OXR1: variants seen among roughly 807,000 people sequenced by gnomAD.
OXR1 encodes oxidation resistance protein 1.
A neutral mutation model predicts 104.6 loss-of-function variants in OXR1; 41 were observed. That is an observed-to-expected ratio of 0.39 (90% CI 0.31 to 0.51). OXR1 has a LOEUF of 0.51. Ranked by LOEUF, OXR1 falls within the 20% of genes least tolerant of loss-of-function variation. The pLI, the probability that OXR1 is intolerant of heterozygous loss-of-function variation, is 0.77. For missense variants in OXR1, 955 were observed against 1,031.9 expected, an observed-to-expected ratio of 0.93 and a Z score of 1.02; for synonymous variants, 348 against 348.4, an observed-to-expected ratio of 1.00 and a Z score of 0.01.
chr8:106,493,254 G>C (rs937584808), intron 2 of OXR1, among the ~76,000 whole-genome samples: 9 of 152,136 alleles, frequency 5.9e-5, no homozygotes, highest in Non-Finnish European at 1.3e-4. Flanking sequence ...GCAGATGTTA[G>C]CATGCTGCCT....
intron 2 of OXR1, among the ~76,000 whole-genome samples, chr8:106,478,379 G>T (rs1042889639): frequency 6.6e-6 from 1 of 151,694 alleles, no homozygotes; most frequent in Non-Finnish European, 1.5e-5. Context: ...ACTTTTTATT[G>T]TATTATATAT....
chr8:106,391,162 T>C (rs1221932534), intron 2 of OXR1, among the ~76,000 whole-genome samples: 1 of 152,182 alleles, frequency 6.6e-6, no homozygotes, highest in Non-Finnish European at 1.5e-5. Flanking sequence ...TTATTAAAGA[T>C]GTGTGATGAC....
At chr8:106,429,944 G>A (rs1819292010) in intron 2 of OXR1, among the ~76,000 whole-genome samples, 1 of 151,978 alleles carries the variant, frequency 6.6e-6, no homozygotes, top group Non-Finnish European at 1.5e-5. Context: ...AGTAATCTCT[G>A]TAATAATTTC....
At chr8:106,679,131 A>C in intron 3 of OXR1, 79 bp from the exon 4 acceptor site, 1 of 778,042 alleles carries the variant, frequency 1.3e-6, no homozygotes, top group Non-Finnish European at 2.2e-6. Context: ...ACATCTGCCC[A>C]AAGAGCTCTA....
intron 3 of OXR1, among the ~76,000 whole-genome samples, chr8:106,567,328 A>G (rs1817155117): frequency 6.6e-6 from 1 of 152,162 alleles, no homozygotes; most frequent in Non-Finnish European, 1.5e-5. Context: ...CAGGTTTTAA[A>G]ATGATTACTC....
chr8:106,735,444 A>G (rs1280549823), intron 11 of OXR1, among the ~76,000 whole-genome samples: 1 of 152,170 alleles, frequency 6.6e-6, no homozygotes, highest in East Asian at 1.9e-4. Context: ...TCCTACTCTC[A>G]GCAATGCTGA....
intron 11 of OXR1, among the ~76,000 whole-genome samples, chr8:106,718,061 TAAC>T (rs1832439061): frequency 6.6e-6 from 1 of 152,214 alleles, no homozygotes; most frequent in African/African-American, 2.4e-5. Flanking sequence ...TGCAAGTCAA[TAAC>T]AACAAGAAAC....
Position 106,623,272 on chromosome 8 carries a change from TA to T in OXR1, c.221-55930del, listed in dbSNP as rs923693321. ...CTCATTCCTCTTTAATTTCTTTTTG[TA>T]AAAAAAAGTATGAGACCTTTTAAAA... On this transcript the variant is annotated intron_variant, in intron 3 of 16. Transcript: ENST00000517566. Among the ~76,000 whole-genome samples, 13 of 151,754 alleles carry T rather than the reference TA, an allele frequency of 8.6e-5. No homozygotes were observed. The South Asian group carries it at 1.5e-3, about 17-fold the overall frequency.
intron 3 of OXR1, among the ~76,000 whole-genome samples, chr8:106,595,589 A>C (rs1010926555): frequency 4.6e-5 from 7 of 151,828 alleles, no homozygotes; most frequent in Admixed American, 1.3e-4. Flanking sequence ...AAAGAAAACG[A>C]AAGAGTGCTA....
At chr8:106,290,268 G>C (rs1222097018) in intron 1 of OXR1, among the ~76,000 whole-genome samples, 1 of 152,052 alleles carries the variant, frequency 6.6e-6, no homozygotes, top group East Asian at 1.9e-4. Flanking sequence ...AATGAAACTG[G>C]ACCCTTACTT....
At chr8:106,725,908 A>AGTAT in intron 11 of OXR1, 1 of 205,786 alleles carries the variant, frequency 4.9e-6, no homozygotes, top group South Asian at 1.6e-4. Context: ...GGTTACTTTT[A>AGTAT]GTATATTCAT....
intron 3 of OXR1, among the ~76,000 whole-genome samples, chr8:106,588,297 G>A (rs756927328): frequency 1.3e-5 from 2 of 151,646 alleles, no homozygotes; most frequent in Non-Finnish European, 2.9e-5. Flanking sequence ...AGAAACTGCA[G>A]TGATGGGTTG....
Position 106,750,572 on chromosome 8 carries a change from C to T in OXR1, c.2487-234C>T, listed in dbSNP as rs28924703. 2.6e-3 allele frequency among the ~76,000 whole-genome samples: 390 copies of T among 152,104 alleles called. 6 individuals are homozygous for T. The highest frequency in any genetic ancestry group is 0.02 in the Admixed American group (308 of 15,276). On this transcript the variant is annotated intron_variant, in intron 16 of 16. Coordinates refer to ENST00000517566, the MANE Select transcript of OXR1 (RefSeq NM_001198533.2). ...CTTGAACTCCCGACCTCAGGTGATC[C>T]GCTGGCCTCGGCCTCCCAAAGTGCT...
Position 106,519,104 on chromosome 8 carries a change from C to A in OXR1, c.185C>A (p.Ser62Tyr), listed in dbSNP as rs1813071567. Reference sequence around the variant, plus strand: ...GCAGCAAATACTCAGAAACATCCTTCCAGAAGGAGCGAACTGAAGAGGTTC... The same window carrying A: ...GCAGCAAATACTCAGAAACATCCTTACAGAAGGAGCGAACTGAAGAGGTTC... ...NNAANTQKHP[S>Y]RRSELKRFYT... The change falls in exon 3 of 17, where the codon TCC becomes TAC. Residue 62 changes from serine to tyrosine, a missense_variant. Physicochemically the swap from Ser to Tyr is moderately radical, Grantham distance 144. Coordinates refer to ENST00000517566, the MANE Select transcript of OXR1 (RefSeq NM_001198533.2). 6.4e-7 allele frequency: 1 copy of A among 1,551,848 alleles called. No homozygotes were observed. The highest frequency in any genetic ancestry group is 8.7e-7 in the Non-Finnish European group (1 of 1,146,938).
At chr8:106,288,834 A>G (rs1456996317) in intron 1 of OXR1, among the ~76,000 whole-genome samples, 1 of 151,436 alleles carries the variant, frequency 6.6e-6, no homozygotes, top group Non-Finnish European at 1.5e-5. Context: ...ATAAACTGTG[A>G]GTCATTTTCA....
intron 3 of OXR1, among the ~76,000 whole-genome samples, chr8:106,649,546 T>C: frequency 6.7e-6 from 1 of 149,726 alleles, no homozygotes; most frequent in Non-Finnish European, 1.5e-5. Flanking sequence ...AAGGTAGTTC[T>C]ACTTTTTTGG....
At chr8:106,575,362 GT>G (rs1380599480) in intron 3 of OXR1, among the ~76,000 whole-genome samples, 2 of 151,906 alleles carry the variant, frequency 1.3e-5, no homozygotes, top group South Asian at 2.1e-4. Context: ...AATTCTACTA[GT>G]TTTTTTCATA....
intron 1 of OXR1, among the ~76,000 whole-genome samples, chr8:106,288,056 T>TG (rs1812571806): frequency 6.6e-6 from 1 of 152,200 alleles, no homozygotes; most frequent in Admixed American, 6.5e-5. Flanking sequence ...CATATCCTCT[T>TG]GCCATGGACA....
intron 3 of OXR1, among the ~76,000 whole-genome samples, chr8:106,608,176 G>A (rs952961567): frequency 6.6e-6 from 1 of 152,088 alleles, no homozygotes; most frequent in African/African-American, 2.4e-5. Context: ...TGTAATCCCA[G>A]CTATTCAGGA....
Sources: allele counts gnomAD v4.1 joint callset (sites outside exome capture counted in the v4.1 genomes callset), GRCh38; gene constraint gnomAD v4.1.1; transcripts MANE v1.5; gene names NCBI Gene and HGNC (gene_info 2026-07-23, HGNC 2026-07-21).